Variants in FGGY observed in about 807,000 individuals in gnomAD.
The protein encoded by FGGY is FGGY carbohydrate kinase domain-containing protein.
Under a neutral mutation model 71.3 loss-of-function variants are expected in FGGY, and 72 were observed. The observed-to-expected ratio is 1.01, with a 90% CI of 0.84 to 1.23. FGGY has a LOEUF of 1.23. FGGY is among the 50% of genes most tolerant of loss of function. FGGY has a pLI of 0.00. For missense variants in FGGY, 668 were observed against 682.3 expected, an observed-to-expected ratio of 0.98 and a Z score of 0.23; for synonymous variants, 251 against 250.3, an observed-to-expected ratio of 1.00 and a Z score of -0.02.
At chr1:59,758,089 A>G (rs1229729589) in intron 15 of FGGY, 97 bp downstream of exon 15, 1 of 776,442 alleles carries the variant, frequency 1.3e-6, no homozygotes, top group Non-Finnish European at 2.0e-6. Context: ...GTGGTCAACT[A>G]ATCCAGTCCT....
intron 5 of FGGY, among the ~76,000 whole-genome samples, chr1:59,430,549 A>T (rs889660997): frequency 4.0e-5 from 6 of 151,616 alleles, no homozygotes; most frequent in Admixed American, 1.3e-4. Flanking sequence ...TAAGCTGAGA[A>T]TTTTTTCTCA....
intron 7 of FGGY, among the ~76,000 whole-genome samples, chr1:59,540,021 A>C (rs146115034): frequency 3.5e-4 from 54 of 152,372 alleles, no homozygotes; most frequent in Admixed American, 9.1e-4. Flanking sequence ...AAAATTGTCC[A>C]GCCTTGTTAG....
At chr1:59,669,849 G>A (rs187093850) in intron 13 of FGGY, among the ~76,000 whole-genome samples, 6 of 152,274 alleles carry the variant, frequency 3.9e-5, no homozygotes, top group East Asian at 1.9e-4. Flanking sequence ...CACTGACTCC[G>A]CGCTGCAGCC....
chr1:59,623,876 C>T (rs568229002), intron 9 of FGGY, among the ~76,000 whole-genome samples: 9 of 152,194 alleles, frequency 5.9e-5, no homozygotes, highest in Non-Finnish European at 7.4e-5. Context: ...TTACACCACA[C>T]ATGCTAGGTT....
intron 14 of FGGY, among the ~76,000 whole-genome samples, chr1:59,720,009 A>C (rs1330398089): frequency 6.6e-6 from 1 of 152,232 alleles, no homozygotes; most frequent in Non-Finnish European, 1.5e-5. Context: ...AGTCAAGGTC[A>C]GAGCAAAGTG....
chr1:59,546,838 C>A (rs1178870026), intron 7 of FGGY, among the ~76,000 whole-genome samples: 1 of 151,868 alleles, frequency 6.6e-6, no homozygotes, highest in African/African-American at 2.4e-5. Context: ...AGCTACCACA[C>A]CCAGTGCAGT....
chr1:59,329,109 A>G (rs1194565598), intron 2 of FGGY, among the ~76,000 whole-genome samples: 5 of 152,168 alleles, frequency 3.3e-5, no homozygotes, highest in Non-Finnish European at 5.9e-5. Context: ...AAAAAACACA[A>G]TCTGCAAGAT....
intron 6 of FGGY, among the ~76,000 whole-genome samples, chr1:59,495,314 G>A (rs1253172777): frequency 6.6e-6 from 1 of 152,048 alleles, no homozygotes; most frequent in Non-Finnish European, 1.5e-5. Context: ...TTCTTTTGCT[G>A]TGTGGAAGCT....
At chr1:59,563,754 C>T (rs1053566033) in intron 8 of FGGY, among the ~76,000 whole-genome samples, 1 of 152,114 alleles carries the variant, frequency 6.6e-6, no homozygotes, top group Non-Finnish European at 1.5e-5. Context: ...GCCAAAAGAA[C>T]AAAGCTAGAG....
intron 8 of FGGY, among the ~76,000 whole-genome samples, chr1:59,563,313 T>G (rs1186164428): frequency 2.6e-5 from 4 of 152,140 alleles, no homozygotes; most frequent in Non-Finnish European, 2.9e-5. Flanking sequence ...TGAAGGGGTG[T>G]TGAATTTTAT....
chr1:59,575,994 T>A (rs1164172625), intron 8 of FGGY, among the ~76,000 whole-genome samples: 1 of 152,160 alleles, frequency 6.6e-6, no homozygotes, highest in Non-Finnish European at 1.5e-5. Flanking sequence ...TCTCTTCCCT[T>A]CTTTATATCT....
At chr1:59,707,917 A>G (rs568481781) in intron 14 of FGGY, among the ~76,000 whole-genome samples, 4 of 152,308 alleles carry the variant, frequency 2.6e-5, no homozygotes, top group African/African-American at 9.6e-5. Context: ...GCTACAGAAT[A>G]TGTTTGTATA....
chr1:59,413,943 A>T (rs889026687), intron 5 of FGGY, among the ~76,000 whole-genome samples: 5 of 152,362 alleles, frequency 3.3e-5, no homozygotes, highest in Middle Eastern at 3.4e-3. Context: ...CCTGGGCAAT[A>T]GAGTGAGATT....
At chr1:59,504,591 G>A (rs746920731) in intron 6 of FGGY, among the ~76,000 whole-genome samples, 21 of 152,262 alleles carry the variant, frequency 1.4e-4, no homozygotes, top group Admixed American at 1.4e-3. Flanking sequence ...CACCTTCTAT[G>A]TGGATGATTG....
chr1:59,613,992 T>C (rs1350423848), intron 9 of FGGY, among the ~76,000 whole-genome samples: 3 of 152,188 alleles, frequency 2.0e-5, no homozygotes, highest in Non-Finnish European at 4.4e-5. Flanking sequence ...GCTCTGAAAT[T>C]GAGGCAATAA....
intron 2 of FGGY, among the ~76,000 whole-genome samples, chr1:59,326,850 A>G (rs1022835116): frequency 6.6e-6 from 1 of 152,240 alleles, no homozygotes; most frequent in African/African-American, 2.4e-5. Flanking sequence ...GAATATTGCA[A>G]CAAAGCTCAC....
intron 13 of FGGY, among the ~76,000 whole-genome samples, chr1:59,673,461 T>C (rs1207515099): frequency 6.6e-6 from 1 of 151,926 alleles, no homozygotes; most frequent in Admixed American, 6.6e-5. Flanking sequence ...GAGGGAGAAG[T>C]GGGGCCAGAT....
At chr1:59,424,326 A>G (rs1005546527) in intron 5 of FGGY, among the ~76,000 whole-genome samples, 8 of 152,242 alleles carry the variant, frequency 5.3e-5, no homozygotes, top group Non-Finnish European at 1.2e-4. Flanking sequence ...AGGCAGGCGA[A>G]TCATGAGGTC....
intron 5 of FGGY, among the ~76,000 whole-genome samples, chr1:59,416,567 AC>A (rs1201694115): frequency 6.6e-6 from 1 of 152,176 alleles, no homozygotes; most frequent in East Asian, 1.9e-4. Flanking sequence ...CCACTCTCAC[AC>A]CCCTAAATTA....
Sources: allele counts gnomAD v4.1 joint callset (sites outside exome capture counted in the v4.1 genomes callset), GRCh38; gene constraint gnomAD v4.1.1; transcripts MANE v1.5; gene names NCBI Gene and HGNC (gene_info 2026-07-23, HGNC 2026-07-21).